WNT7B: variants seen among roughly 807,000 people sequenced by gnomAD.
WNT7B encodes Wnt family member 7B.
A neutral mutation model predicts 38.2 loss-of-function variants in WNT7B; 19 were observed. The ratio of observed to expected loss-of-function variants is 0.50; its 90% CI spans 0.35 to 0.73. The LOEUF (loss-of-function observed/expected upper bound fraction) is 0.73, where lower values mean the gene tolerates loss of function less well. Among genes scored for constraint, WNT7B ranks in the 30% least tolerant of loss-of-function variants. WNT7B has a pLI of 0.01. For synonymous variants in WNT7B, 243 were observed against 209.3 expected (o/e 1.16, Z -1.39); for missense variants, 423 against 507.9 (o/e 0.83, Z 1.61).
intron 3 of WNT7B, chr22:45,927,341 T>A (rs1164188722): frequency 1.4e-6 from 2 of 1,464,362 alleles, no homozygotes; most frequent in Non-Finnish European, 1.8e-6. Context: ...AGGGCCTTGG[T>A]CTGGTAGAAG....
At chr22:45,948,545 GC>G (rs1255245359) in intron 2 of WNT7B, among the ~76,000 whole-genome samples, 3 of 152,214 alleles carry the variant, frequency 2.0e-5, no homozygotes, top group Non-Finnish European at 4.4e-5. Flanking sequence ...GACATGTTAT[GC>G]CCATGGGCTG....
In WNT7B at chr22:45,952,295, C is replaced by T. The variant is rs147309286; in HGVS notation, c.72-2149G>A. On this transcript the variant is annotated intron_variant, in intron 1 of 3. Coordinates refer to ENST00000339464, the MANE Select transcript of WNT7B (RefSeq NM_058238.3). ...CACAGCCAGCTGGAAAGTCCCCGTG[C>T]GGCCTGAGCCCACAGCACGTGCTGC... 8.9e-3 allele frequency among the ~76,000 whole-genome samples: 1,353 copies of T among 152,338 alleles called. 23 individuals are homozygous for T. The highest frequency in any genetic ancestry group is 0.031 in the African/African-American group (1,297 of 41,570).
intron 3 of WNT7B, among the ~76,000 whole-genome samples, chr22:45,928,652 C>A (rs1931176279): frequency 6.6e-6 from 1 of 152,188 alleles, no homozygotes; most frequent in East Asian, 1.9e-4. Context: ...TCCCTTCTGC[C>A]TTTCCATCAC....
chr22:45,953,664 A>C (rs1179075500), intron 1 of WNT7B, among the ~76,000 whole-genome samples: 1 of 151,792 alleles, frequency 6.6e-6, no homozygotes, highest in East Asian at 1.9e-4. Context: ...ATCACTGGGG[A>C]AGGGCAAACC....
chr22:45,976,772 T>C lies in WNT7B; in HGVS notation c.-18A>G. 2 of 1,600,094 alleles carry C rather than the reference T, an allele frequency of 1.2e-6. No homozygotes were observed. The highest frequency in any genetic ancestry group is 8.5e-7 in the Non-Finnish European group (1 of 1,171,962). ...CTGTGCATGATCCAGGGAGGGGGGC[T>C]GCGCCATAGACAGCGGCGGCCGGAG... is the stretch of plus-strand genomic sequence containing the variant. On this transcript the variant is annotated 5_prime_UTR_variant, in exon 1 of 4. Transcript: ENST00000339464. This position sits in a 1 kb window ranked among gnomAD's most constrained non-coding sequence, Gnocchi z 8.5.
chr22:45,952,473 G>C (rs1931956079), intron 1 of WNT7B, among the ~76,000 whole-genome samples: 1 of 152,234 alleles, frequency 6.6e-6, no homozygotes, highest in South Asian at 2.1e-4. Context: ...GGGGCTGGGA[G>C]CGGGCTGGAA....
intron 2 of WNT7B, 151 bp from the exon 3 acceptor site, chr22:45,931,520 A>T: frequency 2.1e-6 from 2 of 971,542 alleles, no homozygotes; most frequent in Non-Finnish European, 3.0e-6. Context: ...CTGACTCACC[A>T]AAGCGGGGCT....
chr22:45,941,579 G>A (rs1394800017), intron 2 of WNT7B, among the ~76,000 whole-genome samples: 1 of 152,194 alleles, frequency 6.6e-6, no homozygotes, highest in Non-Finnish European at 1.5e-5. Flanking sequence ...AGGGCAGCTG[G>A]TGGGGGGCTG....
At chr22:45,936,201 C>T (rs2146718975) in intron 2 of WNT7B, 1 of 982,400 alleles carries the variant, frequency 1.0e-6, no homozygotes. Context: ...GGCAAGTTAC[C>T]AGCCCTCTCT....
chr22:45,923,345 A>T lies in WNT7B; in HGVS notation c.571-10T>A. The T allele has an allele frequency of 6.3e-7, 1 of 1,590,984 alleles. No homozygotes were observed. Among genetic ancestry groups the T allele is most frequent in the South Asian group, 1.1e-5 (1 of 88,150 alleles). ...TCCGGTCCTCTAGAACCTGCGGGTG[A>T]CAGGGAAGCTGCTCGGCACGGCATG... is the stretch of plus-strand genomic sequence containing the variant. On this transcript the variant is annotated splice_polypyrimidine_tract_variant and intron_variant, in intron 3 of 3. Transcript: ENST00000339464.
chr22:45,928,854 T>C (rs28637742), intron 3 of WNT7B, among the ~76,000 whole-genome samples: 19,189 of 98,848 alleles, frequency 0.19, 1,380 homozygotes, highest in African/African-American at 0.27. Flanking sequence ...GGTTTCCCCA[T>C]ACCGCATACC....
intron 2 of WNT7B, 126 bp from the exon 3 acceptor site, chr22:45,931,495 GC>G: frequency 8.4e-7 from 1 of 1,184,674 alleles, no homozygotes; most frequent in Middle Eastern, 2.9e-4. Flanking sequence ...CTCATCGCTC[GC>G]CCCCTCTGTG....
chr22:45,950,809 A>T (rs1221838374), intron 1 of WNT7B, among the ~76,000 whole-genome samples: 1 of 152,230 alleles, frequency 6.6e-6, no homozygotes, highest in Non-Finnish European at 1.5e-5. Flanking sequence ...CGCACCGGGA[A>T]TGGTGGCTGT....
At position 45,966,409 on chromosome 22, in the gene WNT7B, C is replaced by T. The variant is rs1394858689; in HGVS notation, c.71+10275G>A. On this transcript the variant is annotated intron_variant, in intron 1 of 3. Coordinates refer to ENST00000339464, the MANE Select transcript of WNT7B (RefSeq NM_058238.3). This position sits in a 1 kb window ranked among gnomAD's most constrained non-coding sequence, Gnocchi z 4.2. ...ACCAGTCCTTGTGCCCGGGCTCCCT[C>T]CGGCCTGGCCCATTCAGAGCTCCAA... Among the ~76,000 whole-genome samples, 2 of 152,250 alleles carry T rather than the reference C, an allele frequency of 1.3e-5. No individual in the cohort carries two copies. Among genetic ancestry groups the T allele is most frequent in the African/African-American group, 4.8e-5 (2 of 41,466 alleles).
chr22:45,943,779 A>G (rs919642333), intron 2 of WNT7B, among the ~76,000 whole-genome samples: 9 of 152,220 alleles, frequency 5.9e-5, no homozygotes, highest in Admixed American at 4.6e-4. Context: ...GACAGGGCCC[A>G]GCCCAGGCGG....
At chr22:45,927,017 G>A (rs571769141) in intron 3 of WNT7B, 19 of 985,444 alleles carry the variant, frequency 1.9e-5, no homozygotes, top group East Asian at 1.1e-4. Context: ...ACTCCACAGC[G>A]ATAGCTTCTA....
At chr22:45,950,702 C>T (rs73446527) in intron 1 of WNT7B, among the ~76,000 whole-genome samples, 15,441 of 152,218 alleles carry the variant, frequency 0.1, 2,048 homozygotes, top group African/African-American at 0.31. Context: ...AGGCACTCCC[C>T]GTCTGAGCCT....
chr22:45,930,539 T>C (rs1333123641), intron 3 of WNT7B, among the ~76,000 whole-genome samples: 1 of 152,198 alleles, frequency 6.6e-6, no homozygotes, highest in Non-Finnish European at 1.5e-5. Flanking sequence ...TTCCCCGGTG[T>C]GTCCCTGCCT....
rs1177003822 is a variant in WNT7B at position 45,933,458 on chromosome 22, G to A, written c.299-2089C>T. 3.9e-5 allele frequency among the ~76,000 whole-genome samples: 6 copies of A among 152,186 alleles called. 1 individual carries two copies. The highest frequency in any genetic ancestry group is 8.8e-5 in the Non-Finnish European group (6 of 68,024). ...TTAGGTCAAGATGATGCGAAGGGAA[G>A]CCCATGCATGAGGTGTGAAGTGGGG... On this transcript the variant is annotated intron_variant, in intron 2 of 3. Transcript: ENST00000339464.
Sources: gnomAD v4.1 joint callset for allele counts (sites outside exome capture counted in the v4.1 genomes callset) on GRCh38, gnomAD v4.1.1 for gene constraint, Gnocchi (gnomAD v3.1) non-coding constraint, MANE v1.5 for transcripts, NCBI Gene and HGNC (gene_info 2026-07-23, HGNC 2026-07-21) for gene names.